GP9: variants seen among roughly 807,000 people sequenced by gnomAD.
The protein encoded by GP9 is platelet glycoprotein IX.
For synonymous variants in GP9, 116 were observed against 116.7 expected, an observed-to-expected ratio of 0.99 and a Z score of 0.04; for missense variants, 228 against 241.8, an observed-to-expected ratio of 0.94 and a Z score of 0.38.
At chr3:129,057,990 C>T (rs746250252), upstream of GP9, among the ~76,000 whole-genome samples, 10 of 151,998 alleles carry the variant, frequency 6.6e-5, no homozygotes, top group Non-Finnish European at 1.5e-4. Flanking sequence ...TACACCACCA[C>T]GCCCAGCTAA....
At chr3:129,057,607 G>A (rs1559982845), upstream of GP9, among the ~76,000 whole-genome samples, 3 of 152,236 alleles carry the variant, frequency 2.0e-5, no homozygotes, top group Middle Eastern at 3.4e-3. Flanking sequence ...AGCCAAGAAG[G>A]CGAACGAAGA....
In GP9 at chr3:129,062,181, G is replaced by A. The variant is rs1269319160; in HGVS notation, c.442G>A (p.Val148Ile). 1 of 1,575,816 alleles carries A rather than the reference G, an allele frequency of 6.3e-7. No individual in the cohort carries two copies. Among genetic ancestry groups the A allele is most frequent in the Non-Finnish European group, 8.6e-7 (1 of 1,165,152 alleles). ...QLQASWVRPG[V>I]LWDVALVAVA... ...GCAGGCGTCCTGGGTGCGCCCGGGG[G>A]TCTTGTGGGACGTGGCGCTGGTCGC... Residue 148 changes from valine (V) to isoleucine (I), a missense_variant, in exon 3 of 3, where the codon GTC becomes ATC. Transcript: ENST00000307395.
rs2107957135 is a variant in GP9 at position 129,062,252 on chromosome 3, C to T, written c.513C>T (p.Ala171=). The change falls in exon 3 of 3, where the codon GCC becomes GCT. Residue 171 remains alanine (A), a synonymous_variant. Transcript: ENST00000307395. ...CTCTTCTGGCTGGCCTGCTGTGTGC[C>T]ACCACAGAGGCCCTGGATTGAGCCA... The part of the protein sequence containing the change: ...GLALLAGLLC[A]TTEALD 1 of 1,554,308 alleles carries T rather than the reference C, an allele frequency of 6.4e-7. No individual in the cohort carries two copies. The highest frequency in any genetic ancestry group is 1.2e-5 in the South Asian group (1 of 84,558).
chr3:129,062,197 C>T lies in GP9; in HGVS notation c.458C>T (p.Ala153Val), dbSNP rs765620037. The T allele has an allele frequency of 5.1e-6, 8 of 1,568,662 alleles. No individual in the cohort carries two copies. The highest frequency in any genetic ancestry group is 2.3e-5 in the East Asian group (1 of 42,948). Reference sequence around the variant, plus strand: ...CGCCCGGGGGTCTTGTGGGACGTGGCGCTGGTCGCCGTGGCCGCGCTGGGC... The same window carrying T: ...CGCCCGGGGGTCTTGTGGGACGTGGTGCTGGTCGCCGTGGCCGCGCTGGGC... ...WVRPGVLWDV[A>V]LVAVAALGLA... Residue 153 changes from alanine to valine, a missense_variant, in exon 3 of 3, where the codon GCG (alanine) becomes GTG (valine). Coordinates refer to ENST00000307395, the MANE Select transcript of GP9 (RefSeq NM_000174.5).
intron 1 of GP9, among the ~76,000 whole-genome samples, 186 bp from the exon 2 acceptor site, chr3:129,061,307 TG>T (rs1164947028): frequency 3.9e-5 from 6 of 152,148 alleles, no homozygotes; most frequent in South Asian, 4.2e-4. Context: ...ACTTAGCTGG[TG>T]GGGGGTGCTG....
Position 129,061,887 on chromosome 3 carries a change from C to T in GP9, c.148C>T (p.Pro50Ser). The T allele has an allele frequency of 6.2e-7, 1 of 1,613,368 alleles. No individual in the cohort carries two copies. The change falls in exon 3 of 3, where the codon CCG (proline) becomes TCG (serine). Residue 50 changes from proline to serine, a missense_variant. By Grantham distance (74) the Pro-to-Ser change is moderately conservative. Coordinates refer to ENST00000307395, the MANE Select transcript of GP9 (RefSeq NM_000174.5). The stretch of plus-strand genomic sequence containing the variant: ...CGGACTCACGGCCCTGCCTGCCCTG[C>T]CGGCCCGCACCCGCCACCTTCTGCT... Reference protein sequence around the residue: ...GHGLTALPALPARTRHLLLAN... With the variant: ...GHGLTALPALSARTRHLLLAN...
rs369980915 is a variant in GP9 at position 129,061,918 on chromosome 3, A to G, written c.179A>G (p.Asn60Ser). The change falls in exon 3 of 3, where the codon AAC becomes AGC. Residue 60 changes from asparagine to serine, a missense_variant. Asn to Ser is a conservative substitution (Grantham distance 46). Transcript: ENST00000307395. ...CGCACCCGCCACCTTCTGCTGGCCA[A>G]CAACAGCCTTCAGTCCGTGCCCCCG... ...PARTRHLLLA[N>S]NSLQSVPPGA... 2 of 1,613,816 alleles carry G rather than the reference A, an allele frequency of 1.2e-6. No individual in the cohort carries two copies. The highest frequency in any genetic ancestry group is 1.7e-6 in the Non-Finnish European group (2 of 1,179,882).
Position 129,062,168 on chromosome 3 carries a change from G to A in GP9, c.429G>A (p.Trp143Ter), listed in dbSNP as rs1946586230. The A allele has an allele frequency of 1.3e-6, 2 of 1,577,864 alleles. No homozygotes were observed. Among genetic ancestry groups the A allele is most frequent in the East Asian group, 2.3e-5 (1 of 43,134 alleles). The change falls in exon 3 of 3, where the codon TGG (tryptophan) becomes TGA (stop). Residue 143 changes from tryptophan to a stop codon, truncating the protein, a stop_gained. Transcript: ENST00000307395. LOFTEE classifies it low-confidence loss of function (END_TRUNC). ...GSCGWQLQAS[W>*]VRPGVLWDVA... ...GTGGCTGGCAGCTGCAGGCGTCCTGGGTGCGCCCGGGGGTCTTGTGGGACG... is the reference window on the plus strand; with the variant it reads ...GTGGCTGGCAGCTGCAGGCGTCCTGAGTGCGCCCGGGGGTCTTGTGGGACG...
rs1239065636 is a variant in GP9 at position 129,062,267 on chromosome 3, G to A, written c.528G>A (p.Leu176=). The stretch of plus-strand genomic sequence containing the variant: ...TGCTGTGTGCCACCACAGAGGCCCT[G>A]GATTGAGCCAGGCCCCCAGAACCCC... ...AGLLCATTEA[L]D is the part of the protein sequence containing the mutation. The change falls in exon 3 of 3, where the codon CTG becomes CTA. Residue 176 remains leucine (L), a synonymous_variant. Transcript: ENST00000307395. 40 of 1,548,268 alleles carry A rather than the reference G, an allele frequency of 2.6e-5. No individual in the cohort carries two copies. Among genetic ancestry groups the A allele is most frequent in the Admixed American group, 1.4e-4 (7 of 51,240 alleles).
At chr3:129,055,472 C>T in the GP9 span, among the ~76,000 whole-genome samples, 1 of 152,222 alleles carries the variant, frequency 6.6e-6, no homozygotes, top group Non-Finnish European at 1.5e-5. Flanking sequence ...AAGGGCCAGA[C>T]AGCAAGGCTG....
chr3:129,061,382 G>T (rs1946573059), intron 1 of GP9, 112 bp from the exon 2 acceptor site: 1 of 399,638 alleles, frequency 2.5e-6, no homozygotes, highest in Non-Finnish European at 4.7e-6. Flanking sequence ...TCCTGGGCTG[G>T]GACTCATTTA....
upstream of GP9, among the ~76,000 whole-genome samples, chr3:129,056,034 A>G (rs1946519313): frequency 3.3e-5 from 5 of 152,140 alleles, no homozygotes; most frequent in South Asian, 1.0e-3. Flanking sequence ...ACCCCCAGCA[A>G]AGCACCTGTC....
Position 129,061,755 on chromosome 3 carries a change from G to A in GP9, c.16G>A (p.Ala6Thr), listed in dbSNP as rs1559984162. 1.2e-6 allele frequency: 2 copies of A among 1,612,648 alleles called. No homozygotes were observed. Among genetic ancestry groups the A allele is most frequent in the African/African-American group, 2.7e-5 (2 of 74,902 alleles). Residue 6 changes from alanine to threonine, a missense_variant, in exon 3 of 3, where the codon GCC becomes ACC. Transcript: ENST00000307395. MPAWGALFLLWATAEA... is the reference protein window; with the variant it reads MPAWGTLFLLWATAEA... ...AGCCTGTCCCATGCCTGCCTGGGGAGCCCTGTTCCTGCTCTGGGCCACAGC... is the reference window on the plus strand; with the variant it reads ...AGCCTGTCCCATGCCTGCCTGGGGAACCCTGTTCCTGCTCTGGGCCACAGC...
At position 129,060,804 on chromosome 3, in the gene GP9, C is replaced by T. The variant is rs1160940238; in HGVS notation, c.-185C>T. 2.6e-5 allele frequency: 4 copies of T among 152,600 alleles called. No homozygotes were observed. Among genetic ancestry groups the T allele is most frequent in the African/African-American group, 9.6e-5 (4 of 41,482 alleles). 9.5% of individuals were successfully genotyped at this position (152,600 alleles called of 1,614,324 possible). ...ATAGAGTTGCCACCCAGGCCTCAGC[C>T]AGGACCTTTCAGGCCAGACAGGAGC... On this transcript the variant is annotated 5_prime_UTR_variant, in exon 1 of 3. Coordinates refer to ENST00000307395, the MANE Select transcript of GP9 (RefSeq NM_000174.5).
rs1946589601 is a variant in GP9 at position 129,062,289 on chromosome 3, C to G, written c.*16C>G. 6.5e-7 allele frequency: 1 copy of G among 1,530,440 alleles called. No individual in the cohort carries two copies. Among genetic ancestry groups the G allele is most frequent in the African/African-American group, 1.4e-5 (1 of 72,442 alleles). 94.8% of individuals were successfully genotyped at this position (1,530,440 alleles called of 1,614,324 possible). A position where few individuals can be genotyped will look rare whatever the true frequency, so the allele number is the denominator to read the frequency against. Reference sequence around the variant, plus strand: ...CCTGGATTGAGCCAGGCCCCCAGAACCCCTGGCTCCAGGCCAGGGGGCCAG... The same window carrying G: ...CCTGGATTGAGCCAGGCCCCCAGAAGCCCTGGCTCCAGGCCAGGGGGCCAG... On this transcript the variant is annotated 3_prime_UTR_variant, in exon 3 of 3. Transcript: ENST00000307395.
upstream of GP9, among the ~76,000 whole-genome samples, chr3:129,056,313 C>T (rs148167890): frequency 4.6e-5 from 7 of 152,282 alleles, no homozygotes; most frequent in East Asian, 1.2e-3. Flanking sequence ...GACAGGGTTA[C>T]CCATTTCCTG....
upstream of GP9, among the ~76,000 whole-genome samples, chr3:129,056,520 G>A (rs1946522796): frequency 6.6e-6 from 1 of 152,230 alleles, no homozygotes; most frequent in South Asian, 2.1e-4. Context: ...CAAGAAAGGA[G>A]TGGCTGTCTC....
Position 129,061,808 on chromosome 3 carries a change from AT to A in GP9, c.70del (p.Cys24ValfsTer59). On this transcript the variant is annotated frameshift_variant, in exon 3 of 3. Transcript: ENST00000307395. LOFTEE classifies it low-confidence loss of function (END_TRUNC). ...AGGCCACCAAGGACTGCCCCAGCCC[AT>A]GTACCTGCCGCGCCCTGGAAACCAT... ...AEATKDCPSP[C>X]TCRALETMGL... 1 of 1,612,924 alleles carries A rather than the reference AT, an allele frequency of 6.2e-7. No individual in the cohort carries two copies. Among genetic ancestry groups the A allele is most frequent in the Non-Finnish European group, 8.5e-7 (1 of 1,179,602 alleles).
At position 129,061,961 on chromosome 3, in the gene GP9, G is replaced by A. The variant is rs1946582074; in HGVS notation, c.222G>A (p.Leu74=). The change falls in exon 3 of 3, where the codon CTG becomes CTA. Residue 74 remains leucine, a synonymous_variant. Coordinates refer to ENST00000307395, the MANE Select transcript of GP9 (RefSeq NM_000174.5). ...QSVPPGAFDH[L]PQLQTLDVTQ... ...TGCCCCCGGGAGCCTTTGACCACCT[G>A]CCCCAGCTGCAGACCCTCGATGTGA... 2 of 1,613,896 alleles carry A rather than the reference G, an allele frequency of 1.2e-6. No homozygotes were observed. The highest frequency in any genetic ancestry group is 1.7e-6 in the Non-Finnish European group (2 of 1,179,896).
Sources: gnomAD v4.1 joint callset for allele counts (sites outside exome capture counted in the v4.1 genomes callset) on GRCh38, gnomAD v4.1.1 for gene constraint, MANE v1.5 for transcripts, NCBI Gene and HGNC (gene_info 2026-07-23, HGNC 2026-07-21) for gene names.